Variants in PTGER3 observed in about 807,000 individuals in gnomAD.
PTGER3 encodes prostaglandin E receptor 3.
PTGER3 carries 22 observed loss-of-function variants against 34.7 expected under a neutral mutation model. That is an observed-to-expected ratio of 0.63 (90% confidence interval 0.45 to 0.91). PTGER3 has a LOEUF of 0.91. PTGER3 is among the 40% of genes least tolerant of loss of function. The probability of loss-of-function intolerance (pLI) is 0.00; values close to 1 mark genes in which losing one functional copy is unlikely to be tolerated. For missense variants in PTGER3, 468 were observed against 519.4 expected, an observed-to-expected ratio of 0.90 and a Z score of 0.96; for synonymous variants, 241 against 230.1, an observed-to-expected ratio of 1.05 and a Z score of -0.43.
chr1:71,046,835 CAGGAAA>C lies in PTGER3; in HGVS notation c.737_742del (p.Phe246_Ser247del). 1 of 1,613,988 alleles carries C rather than the reference CAGGAAA, an allele frequency of 6.2e-7. No homozygotes were observed. Among genetic ancestry groups the C allele is most frequent in the East Asian group, 2.2e-5 (1 of 44,884 alleles). On this transcript the variant is annotated inframe_deletion, in exon 1 of 4. Coordinates refer to ENST00000306666, the MANE Select transcript of PTGER3 (RefSeq NM_198719.2). Reference sequence around the variant, plus strand: ...CAGGGCCTTAATGGTGGCCAGGTTGCAGGAAAAGGTGACTGTCAGCGCCAAGAGCCC... The same window carrying C: ...CAGGGCCTTAATGGTGGCCAGGTTGCAGGTGACTGTCAGCGCCAAGAGCCC...
At chr1:70,900,113 G>A (rs935543510) in intron 4 of PTGER3, among the ~76,000 whole-genome samples, 2 of 152,112 alleles carry the variant, frequency 1.3e-5, no homozygotes, top group Non-Finnish European at 2.9e-5. Context: ...GCATGTTGTT[G>A]TTGTTGTTTT....
Position 70,901,547 on chromosome 1 carries a change from T to A in PTGER3, c.*24-48688A>T, listed in dbSNP as rs989329634. 4.6e-5 allele frequency among the ~76,000 whole-genome samples: 7 copies of A among 152,340 alleles called. No homozygotes were observed. The East Asian group carries it at 1.4e-3, about 29-fold the overall frequency. The stretch of plus-strand genomic sequence containing the variant: ...GTATTAACTGATTTATCCACCTTTT[T>A]GGAATACCAATTATGTGCCAGATGC... On this transcript the variant is annotated intron_variant, in intron 4 of 4. Coordinates refer to the PTGER3 transcript ENST00000370931.
At chr1:70,932,538 G>A (rs543633943) in intron 4 of PTGER3, among the ~76,000 whole-genome samples, 15 of 152,228 alleles carry the variant, frequency 9.9e-5, no homozygotes, top group African/African-American at 3.4e-4. Flanking sequence ...CATGACAGGA[G>A]GTGAAATGTG....
chr1:70,950,059 G>A (rs1015740549), downstream of PTGER3, among the ~76,000 whole-genome samples: 3 of 152,168 alleles, frequency 2.0e-5, no homozygotes, highest in African/African-American at 4.8e-5. Context: ...AGGAGTGAAG[G>A]AAGACACGAA....
chr1:71,003,252 C>A (rs1656649727), intron 2 of PTGER3, among the ~76,000 whole-genome samples: 1 of 152,158 alleles, frequency 6.6e-6, no homozygotes. Context: ...GTCATCCCTG[C>A]CACTTGCACT....
chr1:70,961,297 C>A (rs1344799038), intron 2 of PTGER3, among the ~76,000 whole-genome samples: 1 of 152,174 alleles, frequency 6.6e-6, no homozygotes, highest in Non-Finnish European at 1.5e-5. Context: ...TCTATAAATT[C>A]CCTTTTTTAG....
chr1:71,006,045 TG>T, intron 2 of PTGER3: 2 of 643,846 alleles, frequency 3.1e-6, no homozygotes, highest in Non-Finnish European at 3.9e-6. Flanking sequence ...TCTAGCTATT[TG>T]TAACTGTATA....
intron 4 of PTGER3, among the ~76,000 whole-genome samples, chr1:70,900,540 T>G (rs1646813445): frequency 7.3e-6 from 1 of 137,216 alleles, no homozygotes; most frequent in Non-Finnish European, 1.6e-5. Flanking sequence ...AATATACAAA[T>G]GATGAATTTA....
chr1:70,918,223 C>T (rs1045366898), intron 4 of PTGER3, among the ~76,000 whole-genome samples: 8 of 152,048 alleles, frequency 5.3e-5, no homozygotes, highest in Non-Finnish European at 1.2e-4. Flanking sequence ...AGACCTCTAT[C>T]TCTCCACCAT....
chr1:70,970,713 GA>G (rs1234233425), downstream of PTGER3: 4 of 339,158 alleles, frequency 1.2e-5, no homozygotes, highest in African/African-American at 8.9e-5. Context: ...ACAAGAAGAA[GA>G]AAAGCTGATT....
intron 2 of PTGER3, chr1:71,007,618 C>A: frequency 3.0e-6 from 3 of 985,428 alleles, no homozygotes; most frequent in Non-Finnish European, 3.6e-6. Flanking sequence ...GCCCCACCCA[C>A]ATGAGTATCC....
At chr1:70,880,717 G>A (rs1029644171) in intron 4 of PTGER3, among the ~76,000 whole-genome samples, 2 of 151,348 alleles carry the variant, frequency 1.3e-5, no homozygotes, top group African/African-American at 4.9e-5. Context: ...AAAAAAGAAT[G>A]GTGAATATAG....
At chr1:70,959,188 T>G (rs1346048276) in intron 2 of PTGER3, among the ~76,000 whole-genome samples, 1 of 152,180 alleles carries the variant, frequency 6.6e-6, no homozygotes, top group Non-Finnish European at 1.5e-5. Context: ...TTTAAAATTG[T>G]TTTTTCTATT....
downstream of PTGER3, chr1:70,951,005 G>A (rs544598292): frequency 6.6e-5 from 10 of 152,264 alleles, no homozygotes; most frequent in South Asian, 1.2e-3. Context: ...GTAAGCCACT[G>A]TGCCAGGCCC....
chr1:70,990,884 G>A (rs146738874), intron 2 of PTGER3, among the ~76,000 whole-genome samples: 1 of 152,240 alleles, frequency 6.6e-6, no homozygotes, highest in Admixed American at 6.5e-5. Flanking sequence ...TGTTTACCTG[G>A]AGCAGAATGA....
intron 1 of PTGER3, among the ~76,000 whole-genome samples, chr1:71,030,596 A>G (rs546822946): frequency 1.3e-5 from 2 of 152,364 alleles, no homozygotes; most frequent in South Asian, 4.1e-4. Context: ...ACAGAAGTAA[A>G]TAAAATTGAT....
downstream of PTGER3, among the ~76,000 whole-genome samples, chr1:70,967,433 G>T (rs1355692802): frequency 6.6e-6 from 1 of 152,058 alleles, no homozygotes; most frequent in South Asian, 2.1e-4. Context: ...AAATACAGAA[G>T]TTTTTAAAAA....
intron 2 of PTGER3, among the ~76,000 whole-genome samples, chr1:70,955,630 G>A (rs1057149941): frequency 6.6e-6 from 1 of 152,116 alleles, no homozygotes; most frequent in Non-Finnish European, 1.5e-5. Flanking sequence ...AGTAGAGATT[G>A]GAAGTACTTG....
At chr1:70,903,075 A>G (rs1409162) in intron 4 of PTGER3, among the ~76,000 whole-genome samples, 82,699 of 151,938 alleles carry the variant, frequency 0.54, 22,889 homozygotes, top group South Asian at 0.7. Flanking sequence ...AGAAAGCAGC[A>G]GGAGATTTGA....
Sources: allele counts gnomAD v4.1 joint callset (sites outside exome capture counted in the v4.1 genomes callset), GRCh38; gene constraint gnomAD v4.1.1; transcripts MANE v1.5; gene names NCBI Gene and HGNC (gene_info 2026-07-23, HGNC 2026-07-21).